LRRC74A: variants seen among roughly 807,000 people sequenced by gnomAD.
LRRC74A encodes leucine rich repeat containing 74A, also known as leucine-rich repeat-containing protein 74A.
LRRC74A carries 44 observed loss-of-function variants against 57.9 expected under a neutral mutation model. The ratio of observed to expected loss-of-function variants is 0.76; its 90% CI spans 0.60 to 0.98. LRRC74A has a LOEUF of 0.98. Among genes scored for constraint, LRRC74A ranks in the 50% least tolerant of loss-of-function variants. The probability of loss-of-function intolerance (pLI) is 0.00; values close to 1 mark genes in which losing one functional copy is unlikely to be tolerated. For missense variants in LRRC74A, 572 were observed against 574.0 expected, an observed-to-expected ratio of 1.00 and a Z score of 0.04; for synonymous variants, 211 against 219.4, an observed-to-expected ratio of 0.96 and a Z score of 0.34.
In LRRC74A at chr14:76,833,184, G is replaced by T. The variant is rs187169899; in HGVS notation, c.339+1809G>T. On this transcript the variant is annotated intron_variant, in intron 3 of 13. Transcript: ENST00000689127. Reference sequence around the variant, plus strand: ...CACAAGCTGCAGGAAAACTGAGTTGGCCAAGTTCAATGATGCAGACATCTG... The same window carrying T: ...CACAAGCTGCAGGAAAACTGAGTTGTCCAAGTTCAATGATGCAGACATCTG... Among the ~76,000 whole-genome samples the T allele has an allele frequency of 1.3e-3, 194 of 152,308 alleles. 1 individual carries two copies. Among genetic ancestry groups the T allele is most frequent in the East Asian group, 9.7e-4 (5 of 5,180 alleles).
At chr14:76,865,547 A>T (rs1038391622) in intron 11 of LRRC74A, among the ~76,000 whole-genome samples, 69 of 152,336 alleles carry the variant, frequency 4.5e-4, no homozygotes, top group African/African-American at 1.5e-3. Flanking sequence ...TTGATCTCTG[A>T]ACATCCGCGC....
chr14:76,854,908 G>A (rs1476273241), intron 9 of LRRC74A, among the ~76,000 whole-genome samples: 2 of 152,128 alleles, frequency 1.3e-5, no homozygotes, highest in Admixed American at 6.6e-5. Flanking sequence ...TGTGGGCTCT[G>A]TTAGCCCCAC....
At chr14:76,865,918 C>T (rs754207024) in intron 11 of LRRC74A, 50 bp from the exon 12 acceptor site, 6 of 1,376,576 alleles carry the variant, frequency 4.4e-6, no homozygotes, top group East Asian at 2.4e-5. Context: ...GACCTGCGAT[C>T]GTTGTTACAA....
intron 10 of LRRC74A, among the ~76,000 whole-genome samples, chr14:76,859,129 CT>C (rs991082311): frequency 2.0e-5 from 3 of 152,186 alleles, no homozygotes; most frequent in Non-Finnish European, 2.9e-5. Flanking sequence ...GCCTTCACCC[CT>C]GAGTCTCCAC....
At position 76,867,259 on chromosome 14, in the gene LRRC74A, GGT is replaced by G. The variant is rs1205836479; in HGVS notation, c.1309-88_1309-87del. 1.7e-4 allele frequency: 71 copies of G among 409,096 alleles called. No individual in the cohort carries two copies. The East Asian group carries it at 3.1e-3, about 18-fold the overall frequency. The allele number at this position is 409,096 out of a possible 1,614,324, so 25.3% of individuals were successfully genotyped here. On this transcript the variant is annotated intron_variant, in intron 12 of 13. Coordinates refer to ENST00000689127, the MANE Select transcript of LRRC74A (RefSeq NM_001385106.1). Reference sequence around the variant, plus strand: ...GTGGGGGTGTGTGTTGGGGGGGTGGGGTGTGTGTGTTGGGGGGGTAGTGTGTT... The same window carrying G: ...GTGGGGGTGTGTGTTGGGGGGGTGGGGTGTGTGTTGGGGGGGTAGTGTGTT...
chr14:76,864,421 G>A (rs867169806), intron 11 of LRRC74A, among the ~76,000 whole-genome samples: 5 of 96,868 alleles, frequency 5.2e-5, no homozygotes, highest in Admixed American at 1.0e-4. Context: ...GGGGGGGGGG[G>A]GGTGGCGGGG....
At chr14:76,829,263 T>G (rs971136662) in intron 2 of LRRC74A, 2 of 1,140,756 alleles carry the variant, frequency 1.8e-6, no homozygotes, top group African/African-American at 1.6e-5. Context: ...GCAGCAGAGA[T>G]GGAGGAAGGC....
intron 13 of LRRC74A, among the ~76,000 whole-genome samples, chr14:76,869,771 AAAAAG>A (rs1404638647): frequency 9.9e-5 from 15 of 151,958 alleles, no homozygotes; most frequent in Non-Finnish European, 2.1e-4. Context: ...AAAAAAAAAA[AAAAAG>A]AAAAGAAAAA....
intron 11 of LRRC74A, among the ~76,000 whole-genome samples, chr14:76,863,892 A>G (rs1263379298): frequency 2.0e-5 from 3 of 152,258 alleles, no homozygotes; most frequent in Non-Finnish European, 4.4e-5. Flanking sequence ...TGCCCCGCTC[A>G]GTCATGAAGC....
At chr14:76,864,505 G>A (rs1354240129) in intron 11 of LRRC74A, among the ~76,000 whole-genome samples, 2 of 151,902 alleles carry the variant, frequency 1.3e-5, no homozygotes, top group Admixed American at 1.3e-4. Flanking sequence ...AATATCGTAA[G>A]GCCGGGTGCG....
rs140347611 is a variant in LRRC74A, at chr14:76,853,430, GGTGTGTGTGT to G, written c.957+43_957+52del. The G allele has an allele frequency of 3.3e-4, 387 of 1,179,054 alleles. No individual in the cohort carries two copies. The highest frequency in any genetic ancestry group is 9.2e-4 in the Middle Eastern group (4 of 4,354). 73.0% of individuals were successfully genotyped at this position (1,179,054 alleles called of 1,614,324 possible). On this transcript the variant is annotated intron_variant, in intron 9 of 13. Transcript: ENST00000689127. ...CTGAAGGTAGTCTTCAGCTGGAAAG[GGTGTGTGTGT>G]GTGTGTGTGTGTGTGTGTGTGTTTG...
At chr14:76,829,524 A>G (rs924142950) in intron 2 of LRRC74A, among the ~76,000 whole-genome samples, 2 of 152,228 alleles carry the variant, frequency 1.3e-5, no homozygotes, top group African/African-American at 4.8e-5. Context: ...ATGTTTGGCC[A>G]AAGGGTCCTG....
At chr14:76,864,337 G>A (rs895539598) in intron 11 of LRRC74A, among the ~76,000 whole-genome samples, 5 of 148,034 alleles carry the variant, frequency 3.4e-5, no homozygotes, top group South Asian at 2.2e-4. Flanking sequence ...GAAATGCTTC[G>A]TGAGAAGGAC....
intron 10 of LRRC74A, among the ~76,000 whole-genome samples, 172 bp downstream of exon 10, chr14:76,857,647 T>G (rs958776499): frequency 1.3e-5 from 2 of 152,142 alleles, no homozygotes; most frequent in Non-Finnish European, 2.9e-5. Flanking sequence ...AGGGATCCTT[T>G]TAGGAAGAGT....
intron 3 of LRRC74A, 34 bp downstream of exon 3, chr14:76,831,409 A>T: frequency 6.2e-7 from 1 of 1,608,390 alleles, no homozygotes; most frequent in Non-Finnish European, 8.5e-7. Context: ...TGAAACCTGG[A>T]GGAGGTGGAG....
chr14:76,867,409 C>T lies in LRRC74A; in HGVS notation c.1362C>T (p.Leu454=), dbSNP rs61738711. The T allele has an allele frequency of 4.4e-6, 7 of 1,602,350 alleles. No homozygotes were observed. The highest frequency in any genetic ancestry group is 5.1e-6 in the Non-Finnish European group (6 of 1,170,476). The change falls in exon 13 of 14, where the codon CTC becomes CTT. Residue 454 remains leucine, a synonymous_variant. Transcript: ENST00000689127. ...QYQVREVIKK[L]DEKTGMVNFS... ...AGGTCAGGGAGGTGATAAAGAAGCT[C>T]GATGAGAAGACAGGCATGGTGAACT...
chr14:76,827,758 G>T (rs964624334), intron 1 of LRRC74A, among the ~76,000 whole-genome samples: 1 of 152,188 alleles, frequency 6.6e-6, no homozygotes, highest in South Asian at 2.1e-4. Flanking sequence ...AGGAAGAGAA[G>T]CTAAGTCAAA....
At chr14:76,843,524 T>G (rs1436101900) in intron 5 of LRRC74A, among the ~76,000 whole-genome samples, 1 of 152,066 alleles carries the variant, frequency 6.6e-6, no homozygotes, top group Non-Finnish European at 1.5e-5. Context: ...GGCACTAGGC[T>G]GGGGGTTGAT....
chr14:76,863,604 A>G (rs778722975), intron 11 of LRRC74A, among the ~76,000 whole-genome samples: 7 of 152,164 alleles, frequency 4.6e-5, no homozygotes, highest in Non-Finnish European at 1.0e-4. Flanking sequence ...TCACCCTTGC[A>G]TTGCAACCTG....
Sources: gnomAD v4.1 joint callset for allele counts (sites outside exome capture counted in the v4.1 genomes callset) on GRCh38, gnomAD v4.1.1 for gene constraint, MANE v1.5 for transcripts, NCBI Gene and HGNC (gene_info 2026-07-23, HGNC 2026-07-21) for gene names.